The following ALK variants were observed in gnomAD, a reference collection of about 807,000 sequenced individuals.
The protein encoded by ALK is ALK receptor tyrosine kinase, also known as ALK tyrosine kinase receptor.
Under a neutral mutation model 163.1 loss-of-function variants are expected in ALK, and 74 were observed. The ratio of observed to expected loss-of-function variants is 0.45; its 90% confidence interval spans 0.38 to 0.55. The LOEUF is 0.55. ALK is among the 20% of genes least tolerant of loss of function. The pLI is 0.00. For synonymous variants in ALK, 960 were observed against 843.2 expected, an observed-to-expected ratio of 1.14 and a Z score of -2.40; for missense variants, 2,063 against 2,105.3, an observed-to-expected ratio of 0.98 and a Z score of 0.39.
In ALK at chr2:29,348,937, T is replaced by A. The variant is rs115383579; in HGVS notation, c.1283-20456A>T. ...TGTCTGAGTTTAACTGTTGGCTCCA[T>A]CACCTACTTGCTCCGTAAGATTGGG... On this transcript the variant is annotated intron_variant, in intron 5 of 28. Transcript: ENST00000389048. Among the ~76,000 whole-genome samples, 804 of 152,360 alleles carry A rather than the reference T, an allele frequency of 5.3e-3. 5 individuals are homozygous for A. Among genetic ancestry groups the A allele is most frequent in the African/African-American group, 0.018 (759 of 41,596 alleles).
chr2:29,441,311 T>C (rs1276478288), intron 4 of ALK, among the ~76,000 whole-genome samples: 1 of 152,226 alleles, frequency 6.6e-6, no homozygotes, highest in East Asian at 1.9e-4. Context: ...TTTAGGTGCC[T>C]CTGGGGGAAT....
At chr2:29,267,819 T>C (rs1267652318) in intron 11 of ALK, among the ~76,000 whole-genome samples, 1 of 152,126 alleles carries the variant, frequency 6.6e-6, no homozygotes, top group East Asian at 1.9e-4. Context: ...TGCAGAGCTG[T>C]TTTACAGGCA....
At chr2:29,546,801 A>AT (rs1673566948) in intron 3 of ALK, among the ~76,000 whole-genome samples, 1 of 148,734 alleles carries the variant, frequency 6.7e-6, no homozygotes, top group Non-Finnish European at 1.5e-5. Flanking sequence ...TTTAAAAAGC[A>AT]ATTTTTTGCC....
chr2:29,434,987 A>G (rs902666018), intron 4 of ALK, among the ~76,000 whole-genome samples: 1 of 152,188 alleles, frequency 6.6e-6, no homozygotes, highest in Non-Finnish European at 1.5e-5. Flanking sequence ...GATTTGCCCA[A>G]GGTTACACAA....
chr2:29,620,189 C>A (rs1031961843), intron 3 of ALK, among the ~76,000 whole-genome samples: 1 of 152,144 alleles, frequency 6.6e-6, no homozygotes, highest in Non-Finnish European at 1.5e-5. Context: ...AACAACACAA[C>A]GGTGTTGCCT....
chr2:29,545,011 T>C (rs1015246855), intron 3 of ALK, among the ~76,000 whole-genome samples: 4 of 152,190 alleles, frequency 2.6e-5, no homozygotes, highest in Non-Finnish European at 4.4e-5. Context: ...TATATGCCTG[T>C]CCATGATAGA....
chr2:29,316,876 G>A (rs1291660578), intron 8 of ALK, among the ~76,000 whole-genome samples: 1 of 152,190 alleles, frequency 6.6e-6, no homozygotes, highest in South Asian at 2.1e-4. Context: ...CTAGAAGAGG[G>A]TGAGAAGGAA....
intron 1 of ALK, among the ~76,000 whole-genome samples, chr2:29,800,850 A>G (rs1254752227): frequency 6.6e-6 from 1 of 152,196 alleles, no homozygotes; most frequent in Non-Finnish European, 1.5e-5. Flanking sequence ...GAGCTGAGTA[A>G]TTTACAGTAT....
At chr2:29,415,010 T>A (rs575196574) in intron 4 of ALK, among the ~76,000 whole-genome samples, 1 of 151,824 alleles carries the variant, frequency 6.6e-6, no homozygotes, top group East Asian at 1.9e-4. Context: ...CATGGATACA[T>A]AGGACATGTG....
At chr2:29,830,975 AG>A (rs1338505578) in intron 1 of ALK, among the ~76,000 whole-genome samples, 5 of 44,914 alleles carry the variant, frequency 1.1e-4, no homozygotes, top group African/African-American at 3.6e-4. Context: ...AAGAAGAAGA[AG>A]AAGAAGAAGA....
rs114958371 is a variant in ALK, at chr2:29,608,629, T to C, written c.953-76513A>G. Among the ~76,000 whole-genome samples, 752 of 152,324 alleles carry C rather than the reference T, an allele frequency of 4.9e-3. 8 individuals are homozygous for C. Among genetic ancestry groups the C allele is most frequent in the African/African-American group, 0.016 (659 of 41,568 alleles). ...GGAGATTTTCAGTGAAGACTGACTT[T>C]GAATGGACGATGCTTGCTCCTTGAC... On this transcript the variant is annotated intron_variant, in intron 3 of 28. Coordinates refer to ENST00000389048, the MANE Select transcript of ALK (RefSeq NM_004304.5).
chr2:29,455,469 G>A (rs1222328855), intron 4 of ALK, among the ~76,000 whole-genome samples: 1 of 152,150 alleles, frequency 6.6e-6, no homozygotes, highest in Admixed American at 6.5e-5. Context: ...TGGCTGAAAC[G>A]CTGTGCCATG....
intron 19 of ALK, chr2:29,224,705 T>C: frequency 4.6e-6 from 1 of 219,256 alleles, no homozygotes; most frequent in Non-Finnish European, 9.1e-6. Context: ...TTGAAATGTG[T>C]AAATTGCCGA....
intron 1 of ALK, chr2:29,899,676 A>G (rs550850442): frequency 6.6e-6 from 1 of 152,218 alleles, no homozygotes; most frequent in South Asian, 2.1e-4. Flanking sequence ...AATACAAAAA[A>G]TTAGTTGGGT....
chr2:29,307,545 T>G (rs1666558501), intron 8 of ALK, among the ~76,000 whole-genome samples: 1 of 152,200 alleles, frequency 6.6e-6, no homozygotes, highest in Non-Finnish European at 1.5e-5. Context: ...TCCCTCAATA[T>G]AGGGTGCCAG....
chr2:29,897,450 T>C (rs1055130411), intron 1 of ALK, among the ~76,000 whole-genome samples: 1 of 152,098 alleles, frequency 6.6e-6, no homozygotes, highest in African/African-American at 2.4e-5. Context: ...TTAAAAACAA[T>C]TGTAAAGAGG....
intron 2 of ALK, among the ~76,000 whole-genome samples, chr2:29,701,555 T>G (rs1678736698): frequency 6.6e-6 from 1 of 152,186 alleles, no homozygotes; most frequent in Non-Finnish European, 1.5e-5. Flanking sequence ...CACTTCATCC[T>G]TCTTGATTTT....
chr2:29,389,716 G>T (rs1039378330), intron 4 of ALK, among the ~76,000 whole-genome samples: 2 of 152,172 alleles, frequency 1.3e-5, no homozygotes, highest in Admixed American at 6.5e-5. Context: ...CCAAACGTTC[G>T]TGTCAATTCA....
chr2:29,224,895 G>T (rs1663902750), intron 19 of ALK, among the ~76,000 whole-genome samples: 1 of 152,184 alleles, frequency 6.6e-6, no homozygotes, highest in African/African-American at 2.4e-5. Flanking sequence ...TCAAGCCTCT[G>T]CCCATCTGTC....
Sources: allele counts gnomAD v4.1 joint callset (sites outside exome capture counted in the v4.1 genomes callset), GRCh38; gene constraint gnomAD v4.1.1; transcripts MANE v1.5; gene names NCBI Gene and HGNC (gene_info 2026-07-23, HGNC 2026-07-21).